SMARCC2: variants seen among roughly 807,000 people sequenced by gnomAD.
The protein encoded by SMARCC2 is SWI/SNF complex subunit SMARCC2.
A neutral mutation model predicts 151.3 loss-of-function variants in SMARCC2; 15 were observed. The ratio of observed to expected loss-of-function variants is 0.10; its 90% CI spans 0.07 to 0.15. The LOEUF is 0.15. Among genes scored for constraint, SMARCC2 ranks in the 10% least tolerant of loss-of-function variants. The pLI, the probability that SMARCC2 is intolerant of heterozygous loss-of-function variation, is 1.00. For missense variants in SMARCC2, 1,031 were observed against 1,599.7 expected, an observed-to-expected ratio of 0.64 and a Z score of 6.06; for synonymous variants, 590 against 609.5, an observed-to-expected ratio of 0.97 and a Z score of 0.47.
intron 15 of SMARCC2, among the ~76,000 whole-genome samples, chr12:56,175,328 A>G (rs1007708495): frequency 1.3e-5 from 2 of 152,206 alleles, no homozygotes; most frequent in Admixed American, 6.5e-5. Context: ...ACAATTTTTA[A>G]ACAAGGAATT....
intron 28 of SMARCC2, 40 bp downstream of exon 28, chr12:56,164,263 C>A (rs1283693924): frequency 1.9e-5 from 30 of 1,589,710 alleles, no homozygotes; most frequent in Non-Finnish European, 2.6e-5. Flanking sequence ...CCAGGTGGAC[C>A]CCTCTCCCTC....
intron 11 of SMARCC2, among the ~76,000 whole-genome samples, chr12:56,180,186 G>A (rs1319967187): frequency 1.3e-5 from 2 of 151,208 alleles, no homozygotes; most frequent in African/African-American, 4.9e-5. Flanking sequence ...TCAGCTCACT[G>A]CAAGCTCCGC....
chr12:56,189,295 C>T (rs1592335186), intron 1 of SMARCC2, 56 bp downstream of exon 1: 2 of 1,153,030 alleles, frequency 1.7e-6, no homozygotes, highest in African/African-American at 1.6e-5. Flanking sequence ...GGCTGCAGGG[C>T]CGCGGTCCCT....
rs1213608018 is a variant in SMARCC2 at position 56,169,858 on chromosome 12, G to A, written c.2466C>T (p.Ser822=). The part of the protein sequence containing the change: ...AIEEEAKEKT[S]EAPKKDEEKG... ...TCTCCTCATCCTTCTTGGGAGCCTC[G>A]CTGGTTTTCTCTTTTGCTTCCTCCT... Residue 822 remains serine, a synonymous_variant, in exon 24 of 29, where the codon AGC becomes AGT. Transcript: ENST00000550164. 14 of 1,613,782 alleles carry A rather than the reference G, an allele frequency of 8.7e-6. No individual in the cohort carries two copies. Among genetic ancestry groups the A allele is most frequent in the East Asian group, 4.5e-5 (2 of 44,882 alleles).
At chr12:56,184,035 C>G in intron 6 of SMARCC2, 105 bp from the exon 7 acceptor site, 1 of 1,059,274 alleles carries the variant, frequency 9.4e-7, no homozygotes, top group South Asian at 1.3e-5. Flanking sequence ...TAGCAGGGGA[C>G]TTGGTAATAG....
chr12:56,168,923 T>C (rs1873367116), intron 25 of SMARCC2, among the ~76,000 whole-genome samples: 1 of 151,912 alleles, frequency 6.6e-6, no homozygotes, highest in Non-Finnish European at 1.5e-5. Flanking sequence ...GAGGTTGCAG[T>C]GAGCCGAGAT....
chr12:56,174,277 T>G (rs1034065583), intron 16 of SMARCC2, among the ~76,000 whole-genome samples: 2 of 152,224 alleles, frequency 1.3e-5, no homozygotes, highest in Middle Eastern at 3.4e-3. Flanking sequence ...GCCTAGCTAA[T>G]TTTTTTGCAT....
chr12:56,178,899 A>C, intron 12 of SMARCC2, 52 bp from the exon 13 acceptor site: 1 of 1,605,916 alleles, frequency 6.2e-7, no homozygotes, highest in South Asian at 1.1e-5. Flanking sequence ...GGGGCAAGAA[A>C]GCCCTACCAA....
At chr12:56,186,601 C>T (rs1877308640) in intron 2 of SMARCC2, 4 of 243,518 alleles carry the variant, frequency 1.6e-5, no homozygotes, top group Non-Finnish European at 3.2e-5. Flanking sequence ...CTGCCCGCCT[C>T]GGCCTCCCAA....
Position 56,171,477 on chromosome 12 carries a change from C to T in SMARCC2, c.2186-45G>A. The T allele has an allele frequency of 2.5e-6, 4 of 1,610,810 alleles. No homozygotes were observed. The highest frequency in any genetic ancestry group is 3.4e-6 in the Non-Finnish European group (4 of 1,177,300). ...TGAGGCTGGGAGCGGCACAGTGGAA[C>T]AGTTCTGGCAATCCCTGCAAAAGCT... On this transcript the variant is annotated intron_variant, in intron 21 of 28. Transcript: ENST00000550164. This position sits in a 1 kb window ranked among gnomAD's most constrained non-coding sequence, Gnocchi z 4.2.
intron 26 of SMARCC2, among the ~76,000 whole-genome samples, chr12:56,167,653 G>C (rs886507033): frequency 6.6e-6 from 1 of 152,072 alleles, no homozygotes; most frequent in Admixed American, 6.5e-5. Flanking sequence ...CACTATTTGA[G>C]TCTACTATGG....
intron 1 of SMARCC2, among the ~76,000 whole-genome samples, chr12:56,188,945 T>G (rs1469533926): frequency 1.3e-5 from 2 of 151,950 alleles, no homozygotes; most frequent in East Asian, 3.9e-4. Context: ...TCAGCCCCGC[T>G]GGTACCTGGC....
intron 6 of SMARCC2, 80 bp downstream of exon 6, chr12:56,184,095 A>G: frequency 8.8e-7 from 1 of 1,139,138 alleles, no homozygotes; most frequent in Non-Finnish European, 1.3e-6. Context: ...GGAGGAGCCC[A>G]GGTACTGAAT....
In SMARCC2 at chr12:56,178,475, A is replaced by C. The variant is rs1592307116; in HGVS notation, c.1239T>G (p.His413Gln). The change falls in exon 14 of 29, where the codon CAT becomes CAG. Residue 413 changes from histidine (H) to glutamine (Q), a missense_variant. Transcript: ENST00000550164. ...KGEQTKNPDL[H>Q]EDNVTEQTHH... ...GGGTCTGTTCAGTCACATTGTCCTC[A>C]TGCAGGTCTGGATTCTTGGTCTGCT... 6.2e-7 allele frequency: 1 copy of C among 1,614,192 alleles called. No individual in the cohort carries two copies. The highest frequency in any genetic ancestry group is 2.2e-5 in the East Asian group (1 of 44,890).
intron 8 of SMARCC2, 56 bp from the exon 9 acceptor site, chr12:56,181,891 T>G: frequency 1.2e-6 from 2 of 1,611,416 alleles, no homozygotes; most frequent in Non-Finnish European, 8.5e-7. Context: ...CAGCTCTGTC[T>G]GGGGACCCTT....
Position 56,162,417 on chromosome 12 carries a change from A to G in SMARCC2, c.*1272T>C. ...AAAAAAGAAAGAAAGAAAAAAAGAG[A>G]AAATTTACAGAAAACTTTGAACAGA... On this transcript the variant is annotated 3_prime_UTR_variant, in exon 29 of 29. Coordinates refer to ENST00000550164, the MANE Select transcript of SMARCC2 (RefSeq NM_001330288.2). The G allele has an allele frequency of 1.6e-6, 1 of 642,602 alleles. No homozygotes were observed. The highest frequency in any genetic ancestry group is 1.8e-5 in the South Asian group (1 of 56,158). The allele number at this position is 642,602 out of a possible 1,614,324, so 39.8% of individuals were successfully genotyped here.
rs746910245 is a variant in SMARCC2 at position 56,169,561 on chromosome 12, C to T, written c.2683G>A (p.Ala895Thr). 2.5e-6 allele frequency: 4 copies of T among 1,614,060 alleles called. No individual in the cohort carries two copies. The highest frequency in any genetic ancestry group is 3.4e-6 in the Non-Finnish European group (4 of 1,180,020). The change falls in exon 25 of 29, where the codon GCC becomes ACC. Residue 895 changes from alanine to threonine, a missense_variant. Ala to Thr is a moderately conservative substitution (Grantham distance 58). This residue lies in a region of SMARCC2 where 49 missense variants were observed against 134.8 expected (regional missense o/e 0.36). Coordinates refer to ENST00000550164, the MANE Select transcript of SMARCC2 (RefSeq NM_001330288.2). ...GEGNLSTAAA[A>T]ALAAAAVKAK... ...TTCACTGCGGCGGCGGCCAGGGCGG[C>T]GGCAGCAGCGGTGGAGAGGTTGCCC...
intron 25 of SMARCC2, among the ~76,000 whole-genome samples, chr12:56,168,464 T>G (rs1592280951): frequency 2.0e-5 from 3 of 151,554 alleles, no homozygotes; most frequent in South Asian, 4.2e-4. Flanking sequence ...AACCTCTACC[T>G]CCTGGGTTCA....
chr12:56,181,010 G>C lies in SMARCC2; in HGVS notation c.1048C>G (p.Pro350Ala). 6.2e-7 allele frequency: 1 copy of C among 1,613,850 alleles called. No homozygotes were observed. Among genetic ancestry groups the C allele is most frequent in the South Asian group, 1.1e-5 (1 of 91,054 alleles). ...TKDMDEPSPV[P>A]NVEEVTLPKT... ...GGAAGTGTCACCTCTTCTACATTGG[G>C]GACTGGTGAGGGCTCGTCCATGTCC... Residue 350 changes from proline (P) to alanine (A), a missense_variant, in exon 11 of 29, where the codon CCC becomes GCC. By Grantham distance (27) the Pro-to-Ala change is conservative (BLOSUM62 -1). This residue lies in a region of SMARCC2 where 127 missense variants were observed against 141.7 expected (regional missense o/e 0.90). Coordinates refer to ENST00000550164, the MANE Select transcript of SMARCC2 (RefSeq NM_001330288.2).
Sources: gnomAD v4.1 joint callset for allele counts (sites outside exome capture counted in the v4.1 genomes callset) on GRCh38, gnomAD v4.1.1 for gene constraint, gnomAD v4.1.1 regional missense constraint, Gnocchi (gnomAD v3.1) non-coding constraint, MANE v1.5 for transcripts, NCBI Gene and HGNC (gene_info 2026-07-23, HGNC 2026-07-21) for gene names.